NAA35: variants seen among roughly 807,000 people sequenced by gnomAD.
The protein encoded by NAA35 is MAK10 homolog, amino-acid N-acetyltransferase subunit.
NAA35 carries 18 observed loss-of-function variants against 101.7 expected under a neutral mutation model. That is an observed-to-expected ratio of 0.18 (90% CI 0.12 to 0.26). NAA35 has a LOEUF of 0.26. Ranked by LOEUF, NAA35 falls within the 10% of genes least tolerant of loss-of-function variation. NAA35 has a pLI of 1.00. For synonymous variants in NAA35, 267 were observed against 273.1 expected, an observed-to-expected ratio of 0.98 and a Z score of 0.22; for missense variants, 601 against 886.8, an observed-to-expected ratio of 0.68 and a Z score of 4.09.
At chr9:86,000,277 A>G (rs1337320601) in intron 12 of NAA35, among the ~76,000 whole-genome samples, 1 of 152,042 alleles carries the variant, frequency 6.6e-6, no homozygotes, top group Non-Finnish European at 1.5e-5. Flanking sequence ...TAGCTTTTTG[A>G]TGTGCTGCTG....
At chr9:86,010,799 G>A (rs1156560013) in intron 15 of NAA35, among the ~76,000 whole-genome samples, 1 of 150,086 alleles carries the variant, frequency 6.7e-6, no homozygotes, top group African/African-American at 2.4e-5. Flanking sequence ...GGATGGTCTC[G>A]ATCTCCTAAC....
chr9:86,003,486 C>G, intron 12 of NAA35, 99 bp from the exon 13 acceptor site: 1 of 566,440 alleles, frequency 1.8e-6, no homozygotes, highest in Non-Finnish European at 3.1e-6. Flanking sequence ...GGTACTATGT[C>G]ATTTCCAGAA....
intron 5 of NAA35, among the ~76,000 whole-genome samples, chr9:85,960,392 T>G (rs1829463946): frequency 6.6e-6 from 1 of 152,128 alleles, no homozygotes; most frequent in African/African-American, 2.4e-5. Flanking sequence ...TGACCATCCC[T>G]TTCTTTTTAT....
At chr9:86,014,751 A>G (rs2118454977) in intron 17 of NAA35, among the ~76,000 whole-genome samples, 1 of 152,338 alleles carries the variant, frequency 6.6e-6, no homozygotes, top group African/African-American at 2.4e-5. Context: ...CTTTTGACAG[A>G]CAACTCTTGC....
intron 12 of NAA35, among the ~76,000 whole-genome samples, chr9:85,997,573 A>T (rs953095316): frequency 6.6e-6 from 1 of 151,502 alleles, no homozygotes; most frequent in African/African-American, 2.4e-5. Flanking sequence ...TAACTCCTGA[A>T]CTCAAGCGAT....
chr9:85,941,868 G>C, intron 1 of NAA35: 1 of 1,114,040 alleles, frequency 9.0e-7, no homozygotes, highest in Non-Finnish European at 1.1e-6. Flanking sequence ...TTCTTTTCGG[G>C]CCAGAGGTGA....
At chr9:86,016,448 CATT>C (rs1832228356) in intron 17 of NAA35, 88 bp from the exon 18 acceptor site, 1 of 1,094,310 alleles carries the variant, frequency 9.1e-7, no homozygotes, top group Non-Finnish European at 1.3e-6. Context: ...AGACCTAAAG[CATT>C]ATTTGAAATA....
chr9:85,996,184 G>A (rs1831148002), intron 11 of NAA35, among the ~76,000 whole-genome samples: 1 of 152,088 alleles, frequency 6.6e-6, no homozygotes, highest in South Asian at 2.1e-4. Context: ...ATGTAGGTAG[G>A]AGGTACAGTT....
chr9:85,955,360 A>ATATTTTTT (rs749448250), intron 2 of NAA35, among the ~76,000 whole-genome samples: 9 of 53,934 alleles, frequency 1.7e-4, no homozygotes, highest in East Asian at 7.6e-4. Context: ...ATATATATAT[A>ATATTTTTT]TTTTTTTTTT....
In NAA35 at chr9:85,941,412, G is replaced by A. The variant is rs532646587; in HGVS notation, c.-6+139G>A. On this transcript the variant is annotated intron_variant, in intron 1 of 22. Transcript: ENST00000361671. ...CCCTCCCGCTGCGCGTCAGGTAGGA[G>A]CGGCGGGCTCCCCAGTGCCCGCTGT... 1.8e-4 allele frequency: 175 copies of A among 985,368 alleles called. No homozygotes were observed. In the African/African-American group the frequency reaches 2.9e-3, roughly 16 times the overall value. The allele number at this position is 985,368 out of a possible 1,614,324, so 61.0% of individuals were successfully genotyped here.
chr9:86,017,272 A>T (rs1274947564), intron 18 of NAA35, among the ~76,000 whole-genome samples: 1 of 152,234 alleles, frequency 6.6e-6, no homozygotes, highest in Non-Finnish European at 1.5e-5. Context: ...GAAAAGTTAT[A>T]ATTACTTTAT....
At chr9:85,980,373 C>G (rs1411734645) in intron 11 of NAA35, among the ~76,000 whole-genome samples, 1 of 148,160 alleles carries the variant, frequency 6.7e-6, no homozygotes, top group African/African-American at 2.6e-5. Context: ...GCTGAAAGTT[C>G]CAGCCTTGTA....
At chr9:85,973,744 T>A (rs1174209193) in intron 6 of NAA35, among the ~76,000 whole-genome samples, 1 of 150,906 alleles carries the variant, frequency 6.6e-6, no homozygotes, top group Non-Finnish European at 1.5e-5. Flanking sequence ...TGTAATATGA[T>A]GAGTGTTTTT....
intron 14 of NAA35, among the ~76,000 whole-genome samples, chr9:86,009,533 C>T (rs968791596): frequency 6.6e-6 from 1 of 152,098 alleles, no homozygotes; most frequent in Non-Finnish European, 1.5e-5. Context: ...ATGAGGAAAT[C>T]AATTGTAGGG....
chr9:85,994,433 T>G (rs1211607483), intron 11 of NAA35, among the ~76,000 whole-genome samples: 1 of 152,192 alleles, frequency 6.6e-6, no homozygotes, highest in Non-Finnish European at 1.5e-5. Flanking sequence ...TTAGTATAAT[T>G]CTACAACTTT....
At chr9:85,995,739 A>G (rs1243867742) in intron 11 of NAA35, among the ~76,000 whole-genome samples, 2 of 152,184 alleles carry the variant, frequency 1.3e-5, no homozygotes, top group African/African-American at 4.8e-5. Flanking sequence ...CCCTCATTTG[A>G]GATTTCAAGT....
chr9:85,947,284 T>C (rs979859562), intron 2 of NAA35, among the ~76,000 whole-genome samples: 3 of 152,162 alleles, frequency 2.0e-5, no homozygotes, highest in African/African-American at 7.2e-5. Flanking sequence ...CTTTTAAAAA[T>C]TATGGAAAAA....
At chr9:85,956,152 A>T (rs1034724949) in intron 2 of NAA35, among the ~76,000 whole-genome samples, 31 of 152,168 alleles carry the variant, frequency 2.0e-4, no homozygotes, top group African/African-American at 4.8e-5. Context: ...TTCCTAAACC[A>T]CTTGATTTAT....
At chr9:86,005,032 A>G (rs1460022923) in intron 13 of NAA35, among the ~76,000 whole-genome samples, 2 of 152,336 alleles carry the variant, frequency 1.3e-5, no homozygotes, top group African/African-American at 2.4e-5. Flanking sequence ...ACAAACATGG[A>G]AAACTATAGA....
Sources: allele counts gnomAD v4.1 joint callset (sites outside exome capture counted in the v4.1 genomes callset), GRCh38; gene constraint gnomAD v4.1.1; transcripts MANE v1.5; gene names NCBI Gene and HGNC (gene_info 2026-07-23, HGNC 2026-07-21).